Variants in OSBP2 observed in about 807,000 individuals in gnomAD.
OSBP2 encodes the protein oxysterol-binding protein 2.
In OSBP2, 66 loss-of-function variants were observed where a neutral mutation model predicts 96.0. That is an observed-to-expected ratio of 0.69 (90% confidence interval 0.56 to 0.84). OSBP2 has a LOEUF of 0.84. OSBP2 is among the 40% of genes least tolerant of loss of function. The pLI is 0.00. For synonymous variants in OSBP2, 525 were observed against 520.9 expected, an observed-to-expected ratio of 1.01 and a Z score of -0.11; for missense variants, 1,038 against 1,222.7, an observed-to-expected ratio of 0.85 and a Z score of 2.25.
intron 1 of OSBP2, among the ~76,000 whole-genome samples, chr22:30,725,658 T>G (rs1460960433): frequency 1.3e-5 from 2 of 152,138 alleles, no homozygotes; most frequent in Non-Finnish European, 2.9e-5. Flanking sequence ...CTTTCCTGGC[T>G]GTAAAATGGG....
At chr22:30,814,236 T>A (rs2091051795) in intron 2 of OSBP2, among the ~76,000 whole-genome samples, 1 of 152,020 alleles carries the variant, frequency 6.6e-6, no homozygotes, top group African/African-American at 2.4e-5. Context: ...CTGTCACAGT[T>A]CTGGAAGCTA....
At chr22:30,836,255 C>T (rs540486625) in intron 2 of OSBP2, among the ~76,000 whole-genome samples, 2 of 152,314 alleles carry the variant, frequency 1.3e-5, no homozygotes, top group South Asian at 4.1e-4. Flanking sequence ...TCAAGTCCCC[C>T]TGCTCGCTTA....
At chr22:30,709,118 A>T (rs1234003785) in intron 1 of OSBP2, among the ~76,000 whole-genome samples, 2 of 152,008 alleles carry the variant, frequency 1.3e-5, no homozygotes, top group Non-Finnish European at 2.9e-5. Context: ...ATAATAATAA[A>T]ATAAATAAAT....
At chr22:30,717,797 A>G (rs2145698584) in intron 1 of OSBP2, among the ~76,000 whole-genome samples, 1 of 152,134 alleles carries the variant, frequency 6.6e-6, no homozygotes, top group South Asian at 2.1e-4. Context: ...CAGCATCATC[A>G]TCTCCTGCTG....
Position 30,823,277 on chromosome 22 carries a change from G to T in OSBP2, c.854-47152G>T, listed in dbSNP as rs114948476. ...AAGCCCAAGGGCCCTTCCTAGCGTG[G>T]GGGAAAACCTTAGCTGTCTTAAATG... On this transcript the variant is annotated intron_variant, in intron 2 of 13. Transcript: ENST00000332585. Among the ~76,000 whole-genome samples the T allele has an allele frequency of 4.9e-3, 747 of 152,332 alleles. 7 individuals carry two copies. The highest frequency in any genetic ancestry group is 0.017 in the African/African-American group (722 of 41,570).
At chr22:30,895,875 T>C (rs1298399509) in intron 12 of OSBP2, among the ~76,000 whole-genome samples, 1 of 147,678 alleles carries the variant, frequency 6.8e-6, no homozygotes, top group Non-Finnish European at 1.5e-5. Context: ...GAGGCAGAGG[T>C]TGCAGTGAGC....
intron 2 of OSBP2, among the ~76,000 whole-genome samples, chr22:30,781,557 T>C (rs1344930738): frequency 6.6e-6 from 1 of 152,134 alleles, no homozygotes; most frequent in Non-Finnish European, 1.5e-5. Flanking sequence ...TGGAATCCTA[T>C]CTGATATACC....
chr22:30,808,770 T>C lies in OSBP2; in HGVS notation c.854-61659T>C, dbSNP rs1262785964. 9.9e-5 allele frequency among the ~76,000 whole-genome samples: 15 copies of C among 152,116 alleles called. No individual in the cohort carries two copies. The East Asian group carries it at 2.9e-3, about 30-fold the overall frequency. On this transcript the variant is annotated intron_variant, in intron 2 of 13. Coordinates refer to ENST00000332585, the MANE Select transcript of OSBP2 (RefSeq NM_030758.4). ...GAGATCGAGACCATCCTGGCTAACA[T>C]GGTGAAACCCCATCTCTACTAAAAA...
intron 12 of OSBP2, among the ~76,000 whole-genome samples, chr22:30,904,102 C>A (rs1219538405): frequency 2.0e-5 from 3 of 152,202 alleles, no homozygotes; most frequent in Non-Finnish European, 4.4e-5. Context: ...TCCCAGTCTT[C>A]CCTTTGGGGA....
At chr22:30,905,145 T>G (rs1322917621) in intron 12 of OSBP2, among the ~76,000 whole-genome samples, 1 of 137,976 alleles carries the variant, frequency 7.2e-6, no homozygotes, top group Non-Finnish European at 1.6e-5. Context: ...TTTTTTTTTT[T>G]TTTTTTTTTT....
chr22:30,793,751 T>C (rs2090714135), intron 2 of OSBP2, among the ~76,000 whole-genome samples: 1 of 152,044 alleles, frequency 6.6e-6, no homozygotes, highest in Non-Finnish European at 1.5e-5. Flanking sequence ...TCCTAGTCAT[T>C]TGGGAGGCTG....
intron 2 of OSBP2, among the ~76,000 whole-genome samples, chr22:30,778,169 C>CTTTT (rs1569119423): frequency 2.4e-5 from 3 of 124,184 alleles, no homozygotes; most frequent in East Asian, 2.4e-4. Context: ...TAATTTTTGC[C>CTTTT]CTTTTTTTTT....
At chr22:30,696,934 C>G (rs1213260694) in intron 1 of OSBP2, among the ~76,000 whole-genome samples, 4 of 152,102 alleles carry the variant, frequency 2.6e-5, no homozygotes, top group African/African-American at 9.7e-5. Context: ...GTTAGGATTA[C>G]AGGCATGAGC....
intron 2 of OSBP2, among the ~76,000 whole-genome samples, chr22:30,829,361 C>T (rs769513637): frequency 6.6e-6 from 1 of 152,208 alleles, no homozygotes; most frequent in Non-Finnish European, 1.5e-5. Context: ...GGTGCAATCT[C>T]GGCTCACTGC....
intron 2 of OSBP2, among the ~76,000 whole-genome samples, chr22:30,744,631 C>T (rs530400299): frequency 3.7e-4 from 57 of 152,086 alleles, no homozygotes; most frequent in African/African-American, 1.3e-3. Context: ...TGTGGTGGCG[C>T]GTGCCTGTAG....
chr22:30,860,816 T>C (rs1004665226), intron 2 of OSBP2, among the ~76,000 whole-genome samples: 1 of 152,182 alleles, frequency 6.6e-6, no homozygotes, highest in African/African-American at 2.4e-5. Context: ...CAGCAGGCCA[T>C]CTTTAGCATC....
intron 11 of OSBP2, 32 bp downstream of exon 11, chr22:30,893,765 A>G (rs774069619): frequency 1.2e-6 from 2 of 1,612,042 alleles, no homozygotes; most frequent in South Asian, 2.2e-5. Context: ...TAAGCACCCC[A>G]GGGGGCCCAG....
rs113394957 is a variant in OSBP2 at position 30,732,412 on chromosome 22, A to G, written c.645-8749A>G. Among the ~76,000 whole-genome samples the G allele has an allele frequency of 6.4e-3, 979 of 152,112 alleles. 10 individuals are homozygous for G. Among genetic ancestry groups the G allele is most frequent in the African/African-American group, 0.022 (926 of 41,500 alleles). ...AAATGGGCCACTCACCTAATTCCTC[A>G]TGGCAATTAGGATCAGTGACCCCTG... On this transcript the variant is annotated intron_variant, in intron 1 of 13. Coordinates refer to ENST00000332585, the MANE Select transcript of OSBP2 (RefSeq NM_030758.4).
chr22:30,788,286 A>G (rs1268309603), intron 2 of OSBP2, among the ~76,000 whole-genome samples: 1 of 152,106 alleles, frequency 6.6e-6, no homozygotes, highest in Non-Finnish European at 1.5e-5. Flanking sequence ...CCTTTTATAT[A>G]CAGTTTCCCC....
Sources: gnomAD v4.1 joint callset for allele counts (sites outside exome capture counted in the v4.1 genomes callset) on GRCh38, gnomAD v4.1.1 for gene constraint, MANE v1.5 for transcripts, NCBI Gene and HGNC (gene_info 2026-07-23, HGNC 2026-07-21) for gene names.